STPG2: variants seen among roughly 807,000 people sequenced by gnomAD.
STPG2 encodes the protein sperm-tail PG-rich repeat-containing protein 2.
Under a neutral mutation model 54.2 loss-of-function variants are expected in STPG2, and 56 were observed. The observed-to-expected ratio is 1.03, with a 90% CI of 0.83 to 1.29. STPG2 has a LOEUF of 1.29. Ranked by LOEUF, STPG2 falls within the 50% of genes most tolerant of loss-of-function variation. STPG2 has a pLI of 0.00. For synonymous variants in STPG2, 200 were observed against 181.8 expected, an observed-to-expected ratio of 1.10 and a Z score of -0.81; for missense variants, 596 against 544.9, an observed-to-expected ratio of 1.09 and a Z score of -0.93.
chr4:97,699,117 G>C (rs1723682682), intron 10 of STPG2, among the ~76,000 whole-genome samples: 1 of 152,218 alleles, frequency 6.6e-6, no homozygotes, highest in Non-Finnish European at 1.5e-5. Context: ...ATCACCCTGA[G>C]GAATGTGGCT....
At chr4:97,917,732 C>T (rs1194977195) in intron 8 of STPG2, among the ~76,000 whole-genome samples, 1 of 152,066 alleles carries the variant, frequency 6.6e-6, no homozygotes, top group Non-Finnish European at 1.5e-5. Context: ...GGGACAAAAG[C>T]ACACTAAAAT....
At chr4:97,516,445 T>C (rs574648819) in intron 4 of STPG2, among the ~76,000 whole-genome samples, 1 of 152,238 alleles carries the variant, frequency 6.6e-6, no homozygotes, top group Non-Finnish European at 1.5e-5. Context: ...GAGCAAGCTT[T>C]AGGAAATATG....
intron 5 of STPG2, among the ~76,000 whole-genome samples, chr4:98,019,020 T>G (rs1736074331): frequency 6.6e-6 from 1 of 151,632 alleles, no homozygotes; most frequent in South Asian, 2.1e-4. Flanking sequence ...CTCTTTAGTT[T>G]AATGATATCC....
At chr4:97,981,098 T>C (rs1376831697) in intron 6 of STPG2, 61 bp downstream of exon 6, 1 of 1,547,572 alleles carries the variant, frequency 6.5e-7, no homozygotes, top group East Asian at 2.3e-5. Flanking sequence ...ATCCATCTTG[T>C]TAAGAACATT....
chr4:97,501,868 T>C (rs1730732632), intron 4 of STPG2, among the ~76,000 whole-genome samples: 1 of 151,480 alleles, frequency 6.6e-6, no homozygotes, highest in East Asian at 1.9e-4. Context: ...AGAGATGAGA[T>C]GAAAGAGAAC....
intron 4 of STPG2, among the ~76,000 whole-genome samples, chr4:97,520,436 T>C (rs1158398773): frequency 6.6e-6 from 1 of 152,042 alleles, no homozygotes; most frequent in Non-Finnish European, 1.5e-5. Flanking sequence ...ACTTGTGAAC[T>C]CTGTATGATT....
chr4:97,768,146 A>G lies in STPG2; in HGVS notation c.1205-55332T>C, dbSNP rs549060310. 2.0e-4 allele frequency among the ~76,000 whole-genome samples: 30 copies of G among 150,980 alleles called. No individual in the cohort carries two copies. The East Asian group carries it at 3.1e-3, about 16-fold the overall frequency. On this transcript the variant is annotated intron_variant, in intron 9 of 10. Coordinates refer to ENST00000295268, the MANE Select transcript of STPG2 (RefSeq NM_174952.3). ...CACGCCACTGCACTCCAGCCTGGGC[A>G]ACAGAGCGAGACTCCGTCTCAAAAA... is the stretch of plus-strand genomic sequence containing the variant.
chr4:97,705,779 A>G (rs1481131659), intron 10 of STPG2, among the ~76,000 whole-genome samples: 1 of 151,940 alleles, frequency 6.6e-6, no homozygotes, highest in Admixed American at 6.6e-5. Context: ...CTAGATTGCT[A>G]TATAGTTGAG....
At chr4:98,006,798 C>T (rs188265274) in intron 5 of STPG2, among the ~76,000 whole-genome samples, 1 of 152,212 alleles carries the variant, frequency 6.6e-6, no homozygotes, top group South Asian at 2.1e-4. Flanking sequence ...AACTCACTCC[C>T]TTGGTCAGGA....
intron 6 of STPG2, among the ~76,000 whole-genome samples, chr4:97,972,673 G>A (rs1734374162): frequency 6.6e-6 from 1 of 152,118 alleles, no homozygotes; most frequent in African/African-American, 2.4e-5. Context: ...AGCTTGAATT[G>A]TAATTCCCAC....
chr4:98,045,450 T>G (rs1737095509), intron 5 of STPG2, among the ~76,000 whole-genome samples: 1 of 152,180 alleles, frequency 6.6e-6, no homozygotes, highest in Non-Finnish European at 1.5e-5. Flanking sequence ...TTCATGTACT[T>G]AAAGTTATAC....
At chr4:97,906,153 A>G (rs1731408001) in intron 8 of STPG2, among the ~76,000 whole-genome samples, 1 of 152,212 alleles carries the variant, frequency 6.6e-6, no homozygotes, top group South Asian at 2.1e-4. Context: ...AGAAGAATCA[A>G]ATAGATGCAA....
intron 5 of STPG2, among the ~76,000 whole-genome samples, chr4:98,068,569 G>C (rs1737902080): frequency 1.3e-5 from 2 of 152,226 alleles, no homozygotes; most frequent in Middle Eastern, 6.8e-3. Flanking sequence ...AAAATCAGGA[G>C]AAGAAAATTA....
chr4:97,887,767 T>C (rs1730632072), intron 8 of STPG2, among the ~76,000 whole-genome samples: 2 of 152,006 alleles, frequency 1.3e-5, no homozygotes, highest in Non-Finnish European at 2.9e-5. Flanking sequence ...ACAATGAAAA[T>C]AAGACTTCTA....
At chr4:97,574,740 T>A (rs1269075822) in intron 10 of STPG2, among the ~76,000 whole-genome samples, 1 of 152,078 alleles carries the variant, frequency 6.6e-6, no homozygotes, top group Admixed American at 6.6e-5. Flanking sequence ...GAAAGACCTT[T>A]CTGCTTCTGT....
At chr4:98,064,110 T>C (rs1279445514) in intron 5 of STPG2, among the ~76,000 whole-genome samples, 2 of 152,150 alleles carry the variant, frequency 1.3e-5, no homozygotes, top group African/African-American at 2.4e-5. Context: ...AGGAACAACT[T>C]TCTAAAACTG....
intron 8 of STPG2, among the ~76,000 whole-genome samples, chr4:97,841,732 A>G (rs916217745): frequency 4.6e-5 from 7 of 151,768 alleles, no homozygotes; most frequent in Non-Finnish European, 1.0e-4. Flanking sequence ...TAGGTTCCAA[A>G]TATCTGCTGC....
chr4:97,533,961 T>C (rs1731472477), intron 4 of STPG2, among the ~76,000 whole-genome samples: 1 of 152,114 alleles, frequency 6.6e-6, no homozygotes, highest in Admixed American at 6.5e-5. Flanking sequence ...ATAAGTATTT[T>C]TTATTAAGTA....
intron 4 of STPG2, among the ~76,000 whole-genome samples, chr4:97,504,884 T>C (rs1437821220): frequency 1.3e-5 from 2 of 151,986 alleles, no homozygotes; most frequent in Non-Finnish European, 2.9e-5. Context: ...GTTTTGTTTT[T>C]ACAATTCTGA....
Sources: gnomAD v4.1 joint callset for allele counts (sites outside exome capture counted in the v4.1 genomes callset) on GRCh38, gnomAD v4.1.1 for gene constraint, MANE v1.5 for transcripts, NCBI Gene and HGNC (gene_info 2026-07-23, HGNC 2026-07-21) for gene names.